CSDC2: variants seen among roughly 807,000 people sequenced by gnomAD.
CSDC2 encodes the protein cold shock domain-containing protein C2.
In CSDC2, 8 loss-of-function variants were observed where a neutral mutation model predicts 15.8. The ratio of observed to expected loss-of-function variants is 0.51; its 90% confidence interval spans 0.30 to 0.92. The LOEUF is 0.92. CSDC2 is among the 40% of genes least tolerant of loss of function. CSDC2 has a pLI of 0.07. For missense variants in CSDC2, 195 were observed against 213.3 expected (o/e 0.91, Z 0.53); for synonymous variants, 96 against 92.3 (o/e 1.04, Z -0.23).
At chr22:41,567,041 G>A (rs1480625149) in intron 1 of CSDC2, among the ~76,000 whole-genome samples, 1 of 152,174 alleles carries the variant, frequency 6.6e-6, no homozygotes, top group African/African-American at 2.4e-5. Context: ...GTTCTGAAGG[G>A]CATTATTCCT....
intron 1 of CSDC2, among the ~76,000 whole-genome samples, chr22:41,564,866 T>A (rs144043635): frequency 7.9e-5 from 12 of 152,074 alleles, no homozygotes; most frequent in Non-Finnish European, 1.8e-4. Context: ...AGAGGACTCA[T>A]GGTCAAGAGA....
chr22:41,572,580 C>A (rs576350322), intron 2 of CSDC2, among the ~76,000 whole-genome samples: 4 of 152,262 alleles, frequency 2.6e-5, no homozygotes, highest in Admixed American at 1.3e-4. Flanking sequence ...GATCCATAAG[C>A]TGCTTACAAT....
At position 41,574,763 on chromosome 22, in the gene CSDC2, C is replaced by T. The variant is rs541575925; in HGVS notation, c.330C>T (p.Gly110=). Residue 110 remains glycine (G), a synonymous_variant, in exon 4 of 4, where the codon GGC becomes GGT. Coordinates refer to ENST00000306149, the MANE Select transcript of CSDC2 (RefSeq NM_014460.4). ...DIEGEYVPVE[G]DEVTYKMCPI... ...AGGGGGAGTACGTGCCAGTGGAGGGCGACGAGGTGACCTACAAGATGTGCC... is the reference window on the plus strand; with the variant it reads ...AGGGGGAGTACGTGCCAGTGGAGGGTGACGAGGTGACCTACAAGATGTGCC... The T allele has an allele frequency of 2.0e-5, 33 of 1,613,764 alleles. No homozygotes were observed. The East Asian group carries it at 5.6e-4, about 27-fold the overall frequency.
chr22:41,574,038 C>A (rs1415457809), intron 3 of CSDC2, among the ~76,000 whole-genome samples: 1 of 152,174 alleles, frequency 6.6e-6, no homozygotes, highest in Non-Finnish European at 1.5e-5. Flanking sequence ...TCTGAGAGGG[C>A]TAGGCCAGCT....
chr22:41,566,895 C>T (rs1569047542), intron 1 of CSDC2, among the ~76,000 whole-genome samples: 1 of 151,214 alleles, frequency 6.6e-6, no homozygotes, highest in East Asian at 1.9e-4. Flanking sequence ...CCACTGCACT[C>T]CAGCCTGGGC....
rs10642302 is a variant in CSDC2 at position 41,562,406 on chromosome 22, C to CAA, written c.-124+1237_-124+1238dup. On this transcript the variant is annotated intron_variant, in intron 1 of 3. Transcript: ENST00000306149. The stretch of plus-strand genomic sequence containing the variant: ...CATCTTGACCCATCCTCACCCCCTT[C>CAA]AAAAAAAAAAAAAAAGACAGGTATA... 6.6e-4 allele frequency among the ~76,000 whole-genome samples: 87 copies of CAA among 131,996 alleles called. 1 individual carries two copies. The highest frequency in any genetic ancestry group is 3.9e-3 in the Middle Eastern group (1 of 256). The allele number at this position is 131,996 out of a possible 152,430, so 86.6% of individuals were successfully genotyped here.
At chr22:41,570,245 G>A (rs567774526) in intron 1 of CSDC2, among the ~76,000 whole-genome samples, 1 of 152,226 alleles carries the variant, frequency 6.6e-6, no homozygotes, top group Non-Finnish European at 1.5e-5. Flanking sequence ...AGCCAAGCCC[G>A]GGGCTCCAGT....
intron 3 of CSDC2, among the ~76,000 whole-genome samples, chr22:41,574,332 C>G (rs1364398806): frequency 6.6e-6 from 1 of 152,200 alleles, no homozygotes; most frequent in Non-Finnish European, 1.5e-5. Context: ...ATGGCACAAT[C>G]TCGGCTCAGT....
intron 1 of CSDC2, among the ~76,000 whole-genome samples, chr22:41,566,169 G>A (rs2067112893): frequency 1.3e-5 from 2 of 151,262 alleles, no homozygotes; most frequent in African/African-American, 4.9e-5. Flanking sequence ...AAAAAGGCTG[G>A]GCGCAGTGGC....
chr22:41,561,619 G>A (rs1465626204), intron 1 of CSDC2, among the ~76,000 whole-genome samples: 1 of 152,244 alleles, frequency 6.6e-6, no homozygotes, highest in Non-Finnish European at 1.5e-5. Flanking sequence ...GCTGGGAAGG[G>A]ACCGGCTGGG....
At chr22:41,561,508 G>C (rs905294112) in intron 1 of CSDC2, among the ~76,000 whole-genome samples, 2 of 152,204 alleles carry the variant, frequency 1.3e-5, no homozygotes, top group Admixed American at 1.3e-4. Context: ...GAAGCAGCGG[G>C]AGAGAGGACC....
intron 1 of CSDC2, among the ~76,000 whole-genome samples, chr22:41,565,099 G>T (rs1285572437): frequency 1.3e-5 from 2 of 151,982 alleles, no homozygotes; most frequent in Non-Finnish European, 2.9e-5. Flanking sequence ...CCGGGAGGCA[G>T]AGGTTTCAGT....
chr22:41,563,874 A>G (rs1259300348), intron 1 of CSDC2, among the ~76,000 whole-genome samples: 3 of 151,300 alleles, frequency 2.0e-5, no homozygotes, highest in Non-Finnish European at 4.4e-5. Flanking sequence ...GATCGAGACC[A>G]TCCTGGCTAA....
intron 3 of CSDC2, among the ~76,000 whole-genome samples, chr22:41,574,402 A>C (rs956079288): frequency 6.6e-6 from 1 of 152,184 alleles, no homozygotes; most frequent in Non-Finnish European, 1.5e-5. Context: ...AGTAGCTGGA[A>C]TTACAGGTGC....
rs2067170342 is a variant in CSDC2, at chr22:41,575,431, G to T, written c.*536G>T. On this transcript the variant is annotated 3_prime_UTR_variant, in exon 4 of 4. Transcript: ENST00000306149. ...CTCTCAGCCTCTGGCAGGGGAGGAG[G>T]ACTGACACGGAGGCACACAGGCCTC... 1.3e-5 allele frequency: 2 copies of T among 155,436 alleles called. No individual in the cohort carries two copies. The highest frequency in any genetic ancestry group is 4.8e-5 in the African/African-American group (2 of 41,536). The allele number at this position is 155,436 out of a possible 1,614,324, so 9.6% of individuals were successfully genotyped here. A position where few individuals can be genotyped will look rare whatever the true frequency, so the allele number is the denominator to read the frequency against.
Position 41,575,014 on chromosome 22 carries a change from C to T in CSDC2, c.*119C>T, listed in dbSNP as rs930067227. 1.5e-5 allele frequency: 18 copies of T among 1,175,156 alleles called. No individual in the cohort carries two copies. In the African/African-American group the frequency reaches 2.6e-4, roughly 17 times the overall value. The allele number at this position is 1,175,156 out of a possible 1,614,324, so 72.8% of individuals were successfully genotyped here. A position where few individuals can be genotyped will look rare whatever the true frequency, so the allele number is the denominator to read the frequency against. On this transcript the variant is annotated 3_prime_UTR_variant, in exon 4 of 4. Coordinates refer to ENST00000306149, the MANE Select transcript of CSDC2 (RefSeq NM_014460.4). ...TGAGTCCTTCGGTGGCCTCAGTGTG[C>T]ACGTCTGTCTGTCCGTCTGTGCTTG... is the stretch of plus-strand genomic sequence containing the variant.
At chr22:41,565,731 G>C (rs904389993) in intron 1 of CSDC2, among the ~76,000 whole-genome samples, 2 of 152,240 alleles carry the variant, frequency 1.3e-5, no homozygotes, top group African/African-American at 4.8e-5. Context: ...TCACCACCCA[G>C]AGTGCCCCAT....
chr22:41,574,904 G>A lies in CSDC2; in HGVS notation c.*9G>A. ...AGGTCGTGGGCTCCTAGGCTGAGTG[G>A]TTCACAGGCCAGCTGGCCGGGGGTT... On this transcript the variant is annotated 3_prime_UTR_variant, in exon 4 of 4. Transcript: ENST00000306149. 6.3e-7 allele frequency: 1 copy of A among 1,579,204 alleles called. No individual in the cohort carries two copies. Among genetic ancestry groups the A allele is most frequent in the Non-Finnish European group, 8.6e-7 (1 of 1,163,040 alleles).
rs748583458 is a variant in CSDC2, at chr22:41,573,692, G to A, written c.214G>A (p.Val72Ile). The A allele has an allele frequency of 2.2e-5, 36 of 1,613,500 alleles. No homozygotes were observed. Among genetic ancestry groups the A allele is most frequent in the South Asian group, 1.6e-4 (15 of 91,072 alleles). The stretch of plus-strand genomic sequence containing the variant: ...CTCAGCTGGCCCCGTGTTCAAGGGC[G>A]TCTGTAAGCAGTTCTCACGCTCACA... Reference protein sequence around the residue: ...RASAGPVFKGVCKQFSRSQGH... With the variant: ...RASAGPVFKGICKQFSRSQGH... Residue 72 changes from valine (V) to isoleucine (I), a missense_variant, in exon 3 of 4, where the codon GTC becomes ATC. Coordinates refer to ENST00000306149, the MANE Select transcript of CSDC2 (RefSeq NM_014460.4).
Sources: allele counts gnomAD v4.1 joint callset (sites outside exome capture counted in the v4.1 genomes callset), GRCh38; gene constraint gnomAD v4.1.1; transcripts MANE v1.5; gene names NCBI Gene and HGNC (gene_info 2026-07-23, HGNC 2026-07-21).